The following PTPN9 variants were observed in gnomAD, a reference collection of about 807,000 sequenced individuals.
PTPN9 encodes the protein protein tyrosine phosphatase non-receptor type 9, also known as tyrosine-protein phosphatase non-receptor type 9.
A neutral mutation model predicts 69.8 loss-of-function variants in PTPN9; 26 were observed. The ratio of observed to expected loss-of-function variants is 0.37; its 90% CI spans 0.27 to 0.52. The LOEUF (loss-of-function observed/expected upper bound fraction) is 0.52. Among genes scored for constraint, PTPN9 ranks in the 20% least tolerant of loss-of-function variants. PTPN9 has a pLI of 0.91. For missense variants in PTPN9, 549 were observed against 740.3 expected (o/e 0.74, Z 3.00); for synonymous variants, 274 against 272.5 (o/e 1.01, Z -0.05).
chr15:75,551,387 G>A (rs1008675551), intron 1 of PTPN9, among the ~76,000 whole-genome samples: 5 of 152,030 alleles, frequency 3.3e-5, no homozygotes, highest in South Asian at 2.1e-4. Flanking sequence ...ACGGAGTCTC[G>A]CTCTGTCACC....
chr15:75,574,231 G>T (rs1273150556), intron 1 of PTPN9, among the ~76,000 whole-genome samples: 1 of 150,596 alleles, frequency 6.6e-6, no homozygotes, highest in Non-Finnish European at 1.5e-5. Context: ...GCTGTAATGA[G>T]CCGTGATTAC....
chr15:75,516,741 C>CTT (rs34906409), intron 5 of PTPN9, among the ~76,000 whole-genome samples: 323 of 87,912 alleles, frequency 3.7e-3, no homozygotes, highest in Non-Finnish European at 5.0e-3. Context: ...TGTTCCTGTG[C>CTT]TTTTTTTTTT....
chr15:75,506,011 G>A lies in PTPN9; in HGVS notation c.640-8C>T, dbSNP rs1464828613. The A allele has an allele frequency of 1.9e-6, 3 of 1,595,236 alleles. No homozygotes were observed. Among genetic ancestry groups the A allele is most frequent in the Non-Finnish European group, 2.6e-6 (3 of 1,164,668 alleles). ...TGTCTTTAATATTTGAATCTGGAAG[G>A]TTAGAAAGAACCATGTGAGTATGTG... On this transcript the variant is annotated splice_polypyrimidine_tract_variant and splice_region_variant and intron_variant, in intron 6 of 12. Transcript: ENST00000618819.
At chr15:75,513,103 C>T (rs988195422) in intron 5 of PTPN9, 11 of 374,998 alleles carry the variant, frequency 2.9e-5, no homozygotes, top group Non-Finnish European at 5.7e-5. Context: ...CCACCCATCC[C>T]TGGTGACTGC....
chr15:75,470,936 G>A, intron 10 of PTPN9, 106 bp from the exon 11 acceptor site: 1 of 1,323,272 alleles, frequency 7.6e-7, no homozygotes, highest in Non-Finnish European at 1.0e-6. Context: ...ATCATCTCTT[G>A]CATTGCTTCT....
At chr15:75,521,600 T>C (rs1480211159) in intron 4 of PTPN9, among the ~76,000 whole-genome samples, 1 of 151,610 alleles carries the variant, frequency 6.6e-6, no homozygotes, top group African/African-American at 2.4e-5. Context: ...AATCCCAGCA[T>C]TTTGGGAGGC....
intron 4 of PTPN9, among the ~76,000 whole-genome samples, chr15:75,519,885 T>C (rs1337608149): frequency 6.6e-6 from 1 of 151,948 alleles, no homozygotes; most frequent in African/African-American, 2.4e-5. Flanking sequence ...TCTCAGCACT[T>C]TGGGAGACTG....
intron 8 of PTPN9, among the ~76,000 whole-genome samples, chr15:75,484,512 C>A (rs2074662228): frequency 6.6e-6 from 1 of 152,186 alleles, no homozygotes; most frequent in Non-Finnish European, 1.5e-5. Flanking sequence ...GGTATTCTCC[C>A]ACCTCCTAAT....
rs1475380782 is a variant in PTPN9, at chr15:75,508,938, C to T, written c.618G>A (p.Leu206=). 1 of 1,613,816 alleles carries T rather than the reference C, an allele frequency of 6.2e-7. No individual in the cohort carries two copies. The highest frequency in any genetic ancestry group is 8.5e-7 in the Non-Finnish European group (1 of 1,179,724). ...RVPYSIISLL[L]KDKVRERIQI... ...TTACCCTCTCCCGGACTTTGTCCTT[C>T]AGGAGGAGACTGATGATGGAATAGG... Residue 206 remains leucine, a synonymous_variant, in exon 6 of 13, where the codon CTG becomes CTA. Transcript: ENST00000618819.
chr15:75,519,751 T>C (rs1595959560), intron 4 of PTPN9, among the ~76,000 whole-genome samples: 1 of 151,164 alleles, frequency 6.6e-6, no homozygotes, highest in Non-Finnish European at 1.5e-5. Context: ...GGATTACAGG[T>C]GTGAGTCACT....
chr15:75,492,052 T>C (rs1299584384), intron 7 of PTPN9, among the ~76,000 whole-genome samples: 1 of 152,134 alleles, frequency 6.6e-6, no homozygotes, highest in Non-Finnish European at 1.5e-5. Context: ...TTTAAATTTT[T>C]TGTAGAGAAA....
rs187872427 is a variant in PTPN9 at position 75,537,684 on chromosome 15, G to A, written c.64-10423C>T. 2.4e-3 allele frequency among the ~76,000 whole-genome samples: 354 copies of A among 145,340 alleles called. 2 individuals are homozygous for A. The highest frequency in any genetic ancestry group is 8.6e-3 in the African/African-American group (334 of 38,850). On this transcript the variant is annotated intron_variant, in intron 1 of 12. Coordinates refer to ENST00000618819, the MANE Select transcript of PTPN9 (RefSeq NM_002833.4). ...GCAGGAGAATCACTTGAACTCAGGA[G>A]GCGGAGGTTGCAGTGAGCCGAGATG... is the stretch of plus-strand genomic sequence containing the variant.
intron 1 of PTPN9, among the ~76,000 whole-genome samples, chr15:75,543,810 A>T (rs1053336789): frequency 1.3e-5 from 2 of 152,220 alleles, no homozygotes; most frequent in African/African-American, 4.8e-5. Flanking sequence ...TTTGAACATA[A>T]TATTTTTGAA....
intron 1 of PTPN9, among the ~76,000 whole-genome samples, chr15:75,559,430 G>T (rs1469997505): frequency 1.3e-5 from 2 of 152,178 alleles, no homozygotes; most frequent in African/African-American, 2.4e-5. Context: ...GTGCTGGGAG[G>T]AATTCTTCTG....
intron 1 of PTPN9, among the ~76,000 whole-genome samples, chr15:75,552,225 C>A (rs1428429481): frequency 6.6e-6 from 1 of 151,230 alleles, no homozygotes; most frequent in Non-Finnish European, 1.5e-5. Flanking sequence ...ATAGAGAAAC[C>A]CCATCTCTAC....
At chr15:75,487,754 AG>A (rs1054424104) in intron 8 of PTPN9, 4 of 152,256 alleles carry the variant, frequency 2.6e-5, no homozygotes, top group African/African-American at 4.8e-5. Context: ...GGTCCTGGAT[AG>A]GACTGTGAAT....
In PTPN9 at chr15:75,528,953, C is replaced by T. The variant is rs367633223; in HGVS notation, c.64-1692G>A. On this transcript the variant is annotated intron_variant, in intron 1 of 12. Transcript: ENST00000618819. ...CAGTGCTCAAGTGATCATTCCATCT[C>T]GCATTCCCAAAGAGCTGGGATTGCA... Among the ~76,000 whole-genome samples, 52 of 151,500 alleles carry T rather than the reference C, an allele frequency of 3.4e-4. 1 individual carries two copies. The highest frequency in any genetic ancestry group is 1.2e-3 in the African/African-American group (49 of 41,248).
chr15:75,572,884 T>C (rs1340725834), intron 1 of PTPN9, among the ~76,000 whole-genome samples: 2 of 152,172 alleles, frequency 1.3e-5, no homozygotes, highest in Non-Finnish European at 2.9e-5. Flanking sequence ...AATTTCATCA[T>C]AATTTCTTGC....
intron 1 of PTPN9, among the ~76,000 whole-genome samples, chr15:75,556,509 T>C (rs568173029): frequency 5.3e-5 from 8 of 152,116 alleles, no homozygotes; most frequent in Admixed American, 1.3e-4. Flanking sequence ...TCTGAGTAGC[T>C]GGGATTACAG....
Sources: gnomAD v4.1 joint callset for allele counts (sites outside exome capture counted in the v4.1 genomes callset) on GRCh38, gnomAD v4.1.1 for gene constraint, MANE v1.5 for transcripts, NCBI Gene and HGNC (gene_info 2026-07-23, HGNC 2026-07-21) for gene names.